The following PKHD1 variants were observed in gnomAD, a reference collection of about 807,000 sequenced individuals.
PKHD1 encodes fibrocystin.
A neutral mutation model predicts 412.0 loss-of-function variants in PKHD1; 291 were observed. That is an observed-to-expected ratio of 0.71 (90% confidence interval 0.64 to 0.78). The LOEUF (loss-of-function observed/expected upper bound fraction) is 0.78, where lower values mean the gene tolerates loss of function less well. PKHD1 is among the 30% of genes least tolerant of loss of function. The pLI is 0.00. For missense variants in PKHD1, 4,825 were observed against 4,950.7 expected (o/e 0.97, Z 0.76); for synonymous variants, 1,777 against 1,821.5 (o/e 0.98, Z 0.62).
At position 51,899,111 on chromosome 6, in the gene PKHD1, T is replaced by A. The variant is rs202181701; in HGVS notation, c.6996+4486A>T. Among the ~76,000 whole-genome samples the A allele has an allele frequency of 1.3e-3, 200 of 151,678 alleles. 1 individual carries two copies. Among genetic ancestry groups the A allele is most frequent in the Non-Finnish European group, 2.0e-3 (133 of 67,710 alleles). ...TACAAGGAGGAACTGGTACCATTCCTTCTGAAACTATTCCAATCCATAGAA... is the reference window on the plus strand; with the variant it reads ...TACAAGGAGGAACTGGTACCATTCCATCTGAAACTATTCCAATCCATAGAA... On this transcript the variant is annotated intron_variant, in intron 43 of 66. Transcript: ENST00000371117.
rs1234157148 is a variant in PKHD1 at position 51,744,415 on chromosome 6, C to T, written c.10126G>A (p.Ala3376Thr). ...TTGAAGAAGGATGCAGTCCATTCTG[C>T]CTCTGTTTTAGGAAATACAGAAACT... is the stretch of plus-strand genomic sequence containing the variant. ...PPVSVFPKTE[A>T]EWTASFFNAG... Residue 3376 changes from alanine to threonine, a missense_variant, in exon 60 of 67, where the codon GCA becomes ACA. Ala to Thr is a moderately conservative substitution (Grantham distance 58, BLOSUM62 0). Coordinates refer to ENST00000371117, the MANE Select transcript of PKHD1 (RefSeq NM_138694.4). The T allele has an allele frequency of 6.2e-7, 1 of 1,613,898 alleles. No homozygotes were observed. Among genetic ancestry groups the T allele is most frequent in the Non-Finnish European group, 8.5e-7 (1 of 1,179,798 alleles).
intron 60 of PKHD1, among the ~76,000 whole-genome samples, chr6:51,666,695 TC>T (rs1393194288): frequency 1.2e-5 from 1 of 86,020 alleles, no homozygotes; most frequent in Non-Finnish European, 2.1e-5. Context: ...CCCTCCCCCC[TC>T]CCCCCACCCC....
intron 43 of PKHD1, among the ~76,000 whole-genome samples, chr6:51,892,450 G>A (rs1438669601): frequency 6.6e-6 from 1 of 152,212 alleles, no homozygotes; most frequent in Non-Finnish European, 1.5e-5. Flanking sequence ...ATGAAGAAGA[G>A]AGAAGAGGGC....
chr6:51,714,655 T>C (rs1266679393), intron 60 of PKHD1, among the ~76,000 whole-genome samples: 1 of 152,192 alleles, frequency 6.6e-6, no homozygotes, highest in South Asian at 2.1e-4. Flanking sequence ...ACATGCTCAA[T>C]ACCTACCTGT....
chr6:51,873,904 T>C (rs543218752), intron 46 of PKHD1, among the ~76,000 whole-genome samples: 39 of 152,090 alleles, frequency 2.6e-4, no homozygotes, highest in African/African-American at 8.4e-4. Flanking sequence ...AAATTGAAAG[T>C]GCAAAATAAG....
intron 55 of PKHD1, among the ~76,000 whole-genome samples, chr6:51,764,111 C>A (rs1371271867): frequency 7.1e-6 from 1 of 140,886 alleles, no homozygotes; most frequent in East Asian, 2.1e-4. Context: ...TCCCCCCACC[C>A]CACCACAGTC....
chr6:51,663,738 C>A (rs370065895), intron 60 of PKHD1, among the ~76,000 whole-genome samples: 1 of 152,136 alleles, frequency 6.6e-6, no homozygotes, highest in Non-Finnish European at 1.5e-5. Context: ...CTCAGCATAA[C>A]AATAATAATT....
At chr6:52,044,718 A>T (rs532701532) in intron 25 of PKHD1, among the ~76,000 whole-genome samples, 1 of 152,316 alleles carries the variant, frequency 6.6e-6, no homozygotes, top group East Asian at 1.9e-4. Context: ...AGAAATTATC[A>T]ATTTTTTGTA....
At chr6:51,977,354 T>C (rs1420265971) in intron 35 of PKHD1, among the ~76,000 whole-genome samples, 9 of 152,236 alleles carry the variant, frequency 5.9e-5, no homozygotes, top group Admixed American at 5.9e-4. Flanking sequence ...ACTCCCAACC[T>C]GAAAACTTAC....
intron 36 of PKHD1, among the ~76,000 whole-genome samples, chr6:51,947,610 C>T (rs577466929): frequency 1.3e-5 from 2 of 152,098 alleles, no homozygotes; most frequent in Non-Finnish European, 2.9e-5. Context: ...CTTAGGCATC[C>T]TCTTCTCAGC....
intron 36 of PKHD1, among the ~76,000 whole-genome samples, chr6:51,956,631 G>A (rs935009394): frequency 6.6e-6 from 1 of 152,006 alleles, no homozygotes; most frequent in Non-Finnish European, 1.5e-5. Flanking sequence ...GTGATGATAA[G>A]TACTATGAAG....
chr6:51,740,487 G>A (rs1220325220), intron 60 of PKHD1, among the ~76,000 whole-genome samples: 2 of 152,202 alleles, frequency 1.3e-5, no homozygotes, highest in Non-Finnish European at 2.9e-5. Flanking sequence ...ATAAGGGTCT[G>A]TTAAACTCAA....
At position 51,984,715 on chromosome 6, in the gene PKHD1, G is replaced by A. The variant is rs115736282; in HGVS notation, c.5752-24689C>T. ...TTTGCCTGAGGCATTCCTGGACCAA[G>A]TAAAAGTAAAAGCAGAAATTATAAC... On this transcript the variant is annotated intron_variant, in intron 35 of 66. Coordinates refer to ENST00000371117, the MANE Select transcript of PKHD1 (RefSeq NM_138694.4). Among the ~76,000 whole-genome samples the A allele has an allele frequency of 7.5e-3, 1,147 of 152,284 alleles. 15 individuals are homozygous for A. Among genetic ancestry groups the A allele is most frequent in the African/African-American group, 0.026 (1,063 of 41,536 alleles).
Position 52,062,616 on chromosome 6 carries a change from G to T in PKHD1, c.1021C>A (p.Leu341Met), listed in dbSNP as rs747428629. The T allele has an allele frequency of 2.5e-6, 4 of 1,614,106 alleles. No individual in the cohort carries two copies. Among genetic ancestry groups the T allele is most frequent in the Non-Finnish European group, 3.4e-6 (4 of 1,179,978 alleles). ...LFEVGDAVEG[L>M]ELTEATPGYR... ...CCTGGGGTGGCTTCAGTCAGTTCCA[G>T]TCCCTCAACAGCATCTCCAACTTCA... Residue 341 changes from leucine to methionine, a missense_variant, in exon 14 of 67, where the codon CTG becomes ATG. Transcript: ENST00000371117.
intron 52 of PKHD1, among the ~76,000 whole-genome samples, chr6:51,798,946 A>G (rs1794999648): frequency 6.6e-6 from 1 of 152,182 alleles, no homozygotes; most frequent in Non-Finnish European, 1.5e-5. Context: ...CTAAAATATG[A>G]CAAGTACATG....
intron 37 of PKHD1, among the ~76,000 whole-genome samples, chr6:51,919,736 C>T (rs529967554): frequency 6.6e-6 from 1 of 152,158 alleles, no homozygotes; most frequent in African/African-American, 2.4e-5. Flanking sequence ...GCCATTTTCA[C>T]GATATTGATT....
Position 52,082,391 on chromosome 6 carries a change from C to A in PKHD1, c.281+1G>T. The A allele has an allele frequency of 6.2e-7, 1 of 1,614,030 alleles. No homozygotes were observed. The highest frequency in any genetic ancestry group is 8.5e-7 in the Non-Finnish European group (1 of 1,179,920). ...GTCTTCCTATTCCCAGACAGGTATA[C>A]CTGGTCCGGCATGTCACCACAGGCA... On this transcript the variant is annotated splice_donor_variant, in intron 4 of 66. Transcript: ENST00000371117. LOFTEE classifies it high-confidence loss of function.
At chr6:51,871,772 G>A (rs1776013694) in intron 46 of PKHD1, among the ~76,000 whole-genome samples, 1 of 118,822 alleles carries the variant, frequency 8.4e-6, no homozygotes, top group South Asian at 2.5e-4. Context: ...ATCCAATCAA[G>A]CTGCTAGTGC....
At chr6:51,732,500 T>C (rs1347810951) in intron 60 of PKHD1, among the ~76,000 whole-genome samples, 1 of 152,132 alleles carries the variant, frequency 6.6e-6, no homozygotes, top group Non-Finnish European at 1.5e-5. Context: ...AATAGACATT[T>C]CTCCAAAAAA....
Sources: allele counts gnomAD v4.1 joint callset (sites outside exome capture counted in the v4.1 genomes callset), GRCh38; gene constraint gnomAD v4.1.1; transcripts MANE v1.5; gene names NCBI Gene and HGNC (gene_info 2026-07-23, HGNC 2026-07-21).